The following VRK1 variants were observed in gnomAD, a reference collection of about 807,000 sequenced individuals.
VRK1 encodes the protein serine/threonine-protein kinase VRK1.
A neutral mutation model predicts 57.1 loss-of-function variants in VRK1; 33 were observed. That is an observed-to-expected ratio of 0.58 (90% CI 0.44 to 0.77). The LOEUF (loss-of-function observed/expected upper bound fraction) is 0.77, where lower values mean the gene tolerates loss of function less well. Ranked by LOEUF, VRK1 falls within the 30% of genes least tolerant of loss-of-function variation. VRK1 has a pLI of 0.00. For missense variants in VRK1, 413 were observed against 477.3 expected (o/e 0.87, Z 1.25); for synonymous variants, 137 against 147.8 (o/e 0.93, Z 0.53).
Position 96,853,063 on chromosome 14 carries a change from T to C in VRK1, c.484-11T>C. On this transcript the variant is annotated splice_polypyrimidine_tract_variant and intron_variant, in intron 6 of 12. Coordinates refer to ENST00000216639, the MANE Select transcript of VRK1 (RefSeq NM_003384.3). ...TACTGCATTAACTTATTCTGTATGA[T>C]ACTTTCATAGCTGGATATTCTGGAA... 6.2e-7 allele frequency: 1 copy of C among 1,613,488 alleles called. No homozygotes were observed. The highest frequency in any genetic ancestry group is 1.3e-5 in the African/African-American group (1 of 75,040).
chr14:96,877,609 A>G (rs1375272537), intron 12 of VRK1: 20 of 1,287,386 alleles, frequency 1.6e-5, no homozygotes, highest in Non-Finnish European at 1.8e-5. Context: ...ATTTATAAAT[A>G]TACAGCAATA....
At position 96,808,658 on chromosome 14, in the gene VRK1, CT is replaced by C. The variant is rs372103145; in HGVS notation, c.-6+11228del. The stretch of plus-strand genomic sequence containing the variant: ...TGTAAATGGAATAATGCCCTCTGGA[CT>C]TTTTTTTTTTTTTTTTGCTTGACTT... On this transcript the variant is annotated intron_variant, in intron 1 of 12. Transcript: ENST00000216639. Among the ~76,000 whole-genome samples, 1,143 of 121,762 alleles carry C rather than the reference CT, an allele frequency of 9.4e-3. 6 individuals carry two copies. Among genetic ancestry groups the C allele is most frequent in the South Asian group, 0.039 (155 of 3,980 alleles). 79.9% of individuals were successfully genotyped at this position (121,762 alleles called of 152,430 possible). A position where few individuals can be genotyped will look rare whatever the true frequency, so the allele number is the denominator to read the frequency against.
intron 12 of VRK1, 55 bp from the exon 13 acceptor site, chr14:96,881,122 T>C: frequency 6.9e-7 from 1 of 1,456,872 alleles, no homozygotes; most frequent in Non-Finnish European, 9.5e-7. Flanking sequence ...TTTCTGTTCT[T>C]TTGCTTTTGT....
chr14:96,809,570 C>CTTT (rs566987608), intron 1 of VRK1, among the ~76,000 whole-genome samples: 8 of 128,530 alleles, frequency 6.2e-5, no homozygotes, highest in African/African-American at 1.5e-4. Context: ...TGCTTGCTTT[C>CTTT]TTTTTTTTTT....
intron 12 of VRK1, 51 bp from the exon 13 acceptor site, chr14:96,881,126 C>T (rs1240635242): frequency 2.0e-6 from 3 of 1,486,314 alleles, no homozygotes; most frequent in Non-Finnish European, 2.8e-6. Context: ...TGTTCTTTTG[C>T]TTTTGTAAAT....
intron 1 of VRK1, among the ~76,000 whole-genome samples, chr14:96,814,156 A>G (rs1279079622): frequency 6.6e-6 from 1 of 152,216 alleles, no homozygotes. Flanking sequence ...AAAATAAGTG[A>G]TCATATTAAT....
At chr14:96,864,500 C>T (rs527333613) in intron 11 of VRK1, among the ~76,000 whole-genome samples, 27 of 152,074 alleles carry the variant, frequency 1.8e-4, no homozygotes, top group East Asian at 1.2e-3. Flanking sequence ...ATGACTATAC[C>T]GTAATTTATT....
At chr14:96,823,163 T>C (rs1886669318) in intron 1 of VRK1, among the ~76,000 whole-genome samples, 1 of 152,262 alleles carries the variant, frequency 6.6e-6, no homozygotes, top group South Asian at 2.1e-4. Context: ...ACCTGCTTTA[T>C]GTTTTTAAAA....
intron 1 of VRK1, among the ~76,000 whole-genome samples, chr14:96,821,602 C>T (rs1886600233): frequency 6.6e-6 from 1 of 152,144 alleles, no homozygotes; most frequent in African/African-American, 2.4e-5. Context: ...GTTGTAATAA[C>T]TGGTAGCTGT....
At chr14:96,806,358 G>C (rs770598877) in intron 1 of VRK1, among the ~76,000 whole-genome samples, 6 of 152,140 alleles carry the variant, frequency 3.9e-5, no homozygotes, top group Non-Finnish European at 8.8e-5. Context: ...CTTCATCACA[G>C]GACTACTTCA....
chr14:96,852,024 T>C (rs1887969866), intron 5 of VRK1, among the ~76,000 whole-genome samples: 1 of 152,248 alleles, frequency 6.6e-6, no homozygotes, highest in African/African-American at 2.4e-5. Context: ...TGGAAAACTA[T>C]TGAAGATAAA....
At chr14:96,820,973 A>G (rs1173808228) in intron 1 of VRK1, among the ~76,000 whole-genome samples, 1 of 152,152 alleles carries the variant, frequency 6.6e-6, no homozygotes, top group Non-Finnish European at 1.5e-5. Context: ...TTTCCCTACC[A>G]TGAACCCTAG....
intron 1 of VRK1, among the ~76,000 whole-genome samples, chr14:96,830,803 C>T (rs1886974730): frequency 6.6e-6 from 1 of 152,188 alleles, no homozygotes; most frequent in Non-Finnish European, 1.5e-5. Flanking sequence ...CCACTCTTCA[C>T]TTGTTTTTGT....
chr14:96,806,169 A>G (rs1426908508), intron 1 of VRK1, among the ~76,000 whole-genome samples: 2 of 152,050 alleles, frequency 1.3e-5, no homozygotes, highest in African/African-American at 4.8e-5. Context: ...ATCTGCATCT[A>G]GTGTATTTGT....
At position 96,864,652 on chromosome 14, in the gene VRK1, T is replaced by C. The variant is rs187531023; in HGVS notation, c.1068+3917T>C. Among the ~76,000 whole-genome samples the C allele has an allele frequency of 9.2e-5, 14 of 152,216 alleles. No homozygotes were observed. In the East Asian group the frequency reaches 2.7e-3, roughly 29 times the overall value. On this transcript the variant is annotated intron_variant, in intron 11 of 12. Coordinates refer to ENST00000216639, the MANE Select transcript of VRK1 (RefSeq NM_003384.3). ...GGGTTGCTGCAGCCTAGGGCTTACT[T>C]ATGTTGAGGGTTTGTAGATATTGCC...
intron 1 of VRK1, among the ~76,000 whole-genome samples, chr14:96,828,781 A>T (rs1183573806): frequency 6.6e-6 from 1 of 152,176 alleles, no homozygotes; most frequent in African/African-American, 2.4e-5. Flanking sequence ...ATGCTAAAAG[A>T]TAAGTATTGA....
chr14:96,860,725 CA>C lies in VRK1; in HGVS notation c.1060del (p.Ile354Ter), dbSNP rs1566713300. On this transcript the variant is annotated frameshift_variant, in exon 11 of 13. Coordinates refer to ENST00000216639, the MANE Select transcript of VRK1 (RefSeq NM_003384.3). LOFTEE classifies it high-confidence loss of function. Reference sequence around the variant, plus strand: ...GAGAATGGAGGTTTGAAAGCAAAAACAATAACAAAGGTGAATTTTGTTATTA... The same window carrying C: ...GAGAATGGAGGTTTGAAAGCAAAAACATAACAAAGGTGAATTTTGTTATTA... ...VVENGGLKAK[T>X]ITKKRKKEIE... The C allele has an allele frequency of 6.2e-7, 1 of 1,610,958 alleles. No homozygotes were observed. The highest frequency in any genetic ancestry group is 8.5e-7 in the Non-Finnish European group (1 of 1,178,650).
At chr14:96,822,100 C>A (rs1358923374) in intron 1 of VRK1, among the ~76,000 whole-genome samples, 1 of 150,260 alleles carries the variant, frequency 6.7e-6, no homozygotes, top group Non-Finnish European at 1.5e-5. Context: ...TTTTCCTTAG[C>A]CCTTATACCA....
intron 11 of VRK1, 21 bp downstream of exon 11, chr14:96,860,756 A>T (rs765574510): frequency 6.2e-7 from 1 of 1,609,752 alleles, no homozygotes; most frequent in South Asian, 1.1e-5. Context: ...TTATTAAATT[A>T]TTCTTTGGTC....
Sources: gnomAD v4.1 joint callset for allele counts (sites outside exome capture counted in the v4.1 genomes callset) on GRCh38, gnomAD v4.1.1 for gene constraint, MANE v1.5 for transcripts, NCBI Gene and HGNC (gene_info 2026-07-23, HGNC 2026-07-21) for gene names.